RBFOX1: variants seen among roughly 807,000 people sequenced by gnomAD.
The protein encoded by RBFOX1 is RNA binding protein fox-1 homolog 1.
RBFOX1 carries 8 observed loss-of-function variants against 57.7 expected under a neutral mutation model. The observed-to-expected ratio is 0.14, with a 90% CI of 0.08 to 0.25. The LOEUF (loss-of-function observed/expected upper bound fraction) is 0.25. Among genes scored for constraint, RBFOX1 ranks in the 10% least tolerant of loss-of-function variants. The pLI is 1.00. For missense variants in RBFOX1, 611 were observed against 548.5 expected, an observed-to-expected ratio of 1.11 and a Z score of -1.14; for synonymous variants, 326 against 222.4, an observed-to-expected ratio of 1.47 and a Z score of -4.15.
intron 14 of RBFOX1, among the ~76,000 whole-genome samples, chr16:7,699,185 A>C (rs1404395362): frequency 2.6e-5 from 4 of 152,146 alleles, no homozygotes; most frequent in Admixed American, 2.6e-4. Flanking sequence ...CTAACTGATC[A>C]ATCAGGGACC....
intron 3 of RBFOX1, among the ~76,000 whole-genome samples, chr16:5,628,139 G>A (rs934411529): frequency 6.6e-6 from 1 of 152,118 alleles, no homozygotes; most frequent in East Asian, 1.9e-4. Context: ...TTTGGTGCTG[G>A]CTCACAGTTT....
chr16:6,687,164 C>A (rs1374669234), intron 3 of RBFOX1, among the ~76,000 whole-genome samples: 1 of 152,052 alleles, frequency 6.6e-6, no homozygotes, highest in Non-Finnish European at 1.5e-5. Context: ...TATGAGTATC[C>A]TTTGAATTCT....
rs1373130794 is a variant in RBFOX1 at position 6,232,374 on chromosome 16, T to C, written c.-126-84621T>C. ...CAAAGAAGGGAGGGCTTCCCTGGAT[T>C]ATAAAATATGTGTTCTTTTGAATAA... On this transcript the variant is annotated intron_variant, in intron 1 of 15. Coordinates refer to ENST00000550418, the MANE Select transcript of RBFOX1 (RefSeq NM_018723.4). 3.3e-5 allele frequency among the ~76,000 whole-genome samples: 5 copies of C among 152,188 alleles called. No homozygotes were observed. The South Asian group carries it at 6.2e-4, about 19-fold the overall frequency.
intron 1 of RBFOX1, among the ~76,000 whole-genome samples, chr16:6,127,484 T>A (rs146541526): frequency 9.2e-4 from 140 of 152,322 alleles, no homozygotes; most frequent in African/African-American, 3.3e-3. Flanking sequence ...GTGATGTGTC[T>A]GTGGGCCTTA....
chr16:7,377,315 G>C (rs1451549792), intron 4 of RBFOX1, among the ~76,000 whole-genome samples: 2 of 152,164 alleles, frequency 1.3e-5, no homozygotes, highest in Non-Finnish European at 2.9e-5. Context: ...ACCCACGTGA[G>C]GTGGTGGCAT....
chr16:6,521,899 G>A (rs1378021146), intron 2 of RBFOX1, among the ~76,000 whole-genome samples: 1 of 152,038 alleles, frequency 6.6e-6, no homozygotes, highest in Non-Finnish European at 1.5e-5. Context: ...TCTGTGTTTG[G>A]GTCTTGTTGA....
chr16:5,287,898 C>T (rs2063437143), intron 1 of RBFOX1, among the ~76,000 whole-genome samples: 1 of 152,186 alleles, frequency 6.6e-6, no homozygotes. Context: ...GACTTGGATC[C>T]ATTAATGTAC....
chr16:7,268,188 A>G (rs2095222256), intron 4 of RBFOX1, among the ~76,000 whole-genome samples: 1 of 152,208 alleles, frequency 6.6e-6, no homozygotes, highest in South Asian at 2.1e-4. Context: ...TACTGCATTA[A>G]CGTCTTATGG....
At chr16:7,122,409 G>C (rs901064746) in intron 4 of RBFOX1, among the ~76,000 whole-genome samples, 1 of 152,026 alleles carries the variant, frequency 6.6e-6, no homozygotes, top group Non-Finnish European at 1.5e-5. Flanking sequence ...GGGGGGAAAA[G>C]AAGAGAAGAG....
chr16:7,227,012 G>C (rs1453097251), intron 4 of RBFOX1, among the ~76,000 whole-genome samples: 1 of 152,244 alleles, frequency 6.6e-6, no homozygotes, highest in African/African-American at 2.4e-5. Flanking sequence ...AATGGCTAAA[G>C]TTGAGTTGTG....
chr16:7,072,722 A>G (rs986098702), intron 4 of RBFOX1, among the ~76,000 whole-genome samples: 1 of 152,246 alleles, frequency 6.6e-6, no homozygotes, highest in African/African-American at 2.4e-5. Context: ...GACAAAATAT[A>G]TGAAGCATCA....
At chr16:5,411,935 A>G (rs1239459348) in intron 1 of RBFOX1, among the ~76,000 whole-genome samples, 1 of 152,160 alleles carries the variant, frequency 6.6e-6, no homozygotes, top group Non-Finnish European at 1.5e-5. Context: ...TAAGTGATTC[A>G]TCCTCTTCCT....
intron 3 of RBFOX1, among the ~76,000 whole-genome samples, chr16:7,004,267 C>T (rs546816272): frequency 2.2e-4 from 34 of 152,116 alleles, no homozygotes; most frequent in Admixed American, 3.3e-4. Context: ...ATAAGAACAA[C>T]GCATTATATA....
chr16:7,532,343 G>A (rs950967416), intron 5 of RBFOX1, among the ~76,000 whole-genome samples: 1 of 152,114 alleles, frequency 6.6e-6, no homozygotes, highest in Non-Finnish European at 1.5e-5. Context: ...GCCAGCTTCG[G>A]GGAGATGAGC....
intron 2 of RBFOX1, among the ~76,000 whole-genome samples, chr16:6,479,197 A>G (rs1443376842): frequency 6.6e-6 from 1 of 152,226 alleles, no homozygotes; most frequent in Non-Finnish European, 1.5e-5. Context: ...CGTAGTTTAT[A>G]AAGAAAAGAA....
chr16:6,552,175 C>G (rs773782497), intron 2 of RBFOX1, among the ~76,000 whole-genome samples: 3 of 152,116 alleles, frequency 2.0e-5, no homozygotes, highest in Non-Finnish European at 4.4e-5. Flanking sequence ...TGGAACACAT[C>G]TAGTAAATAT....
At chr16:7,354,162 G>C (rs546314533) in intron 4 of RBFOX1, among the ~76,000 whole-genome samples, 1 of 151,838 alleles carries the variant, frequency 6.6e-6, no homozygotes, top group African/African-American at 2.4e-5. Context: ...GTAGAGAAAG[G>C]GTTTCATCAC....
At chr16:7,436,984 G>A (rs897535140) in intron 4 of RBFOX1, among the ~76,000 whole-genome samples, 1 of 152,160 alleles carries the variant, frequency 6.6e-6, no homozygotes. Context: ...AGGAAGCTGA[G>A]GTAGGAGAAT....
rs75834948 is a variant in RBFOX1, at chr16:5,580,791, A to T, written c.259-18111A>T. Reference sequence around the variant, plus strand: ...ACTGGTGGGATTCCAGCGAAGGGCAATCCAGACCCAGGAAGCTGTAGGGCA... The same window carrying T: ...ACTGGTGGGATTCCAGCGAAGGGCATTCCAGACCCAGGAAGCTGTAGGGCA... On this transcript the variant is annotated intron_variant, in intron 2 of 2. Coordinates refer to the RBFOX1 transcript ENST00000585867. 2.4e-3 allele frequency among the ~76,000 whole-genome samples: 370 copies of T among 152,318 alleles called. 4 individuals carry two copies. Among genetic ancestry groups the T allele is most frequent in the African/African-American group, 8.5e-3 (355 of 41,560 alleles).
Sources: gnomAD v4.1 joint callset for allele counts (sites outside exome capture counted in the v4.1 genomes callset) on GRCh38, gnomAD v4.1.1 for gene constraint, MANE v1.5 for transcripts, NCBI Gene and HGNC (gene_info 2026-07-23, HGNC 2026-07-21) for gene names.